Variants in TEP1 observed in about 807,000 individuals in gnomAD.
TEP1 encodes the protein telomerase protein component 1.
TEP1 carries 241 observed loss-of-function variants against 306.3 expected under a neutral mutation model. The ratio of observed to expected loss-of-function variants is 0.79; its 90% CI spans 0.71 to 0.88. The LOEUF (loss-of-function observed/expected upper bound fraction) is 0.88. TEP1 is among the 40% of genes least tolerant of loss of function. The probability of loss-of-function intolerance (pLI) is 0.00; values close to 1 mark genes in which losing one functional copy is unlikely to be tolerated. For missense variants in TEP1, 3,051 were observed against 3,276.1 expected, an observed-to-expected ratio of 0.93 and a Z score of 1.68; for synonymous variants, 1,289 against 1,305.5, an observed-to-expected ratio of 0.99 and a Z score of 0.27.
Position 20,384,123 on chromosome 14 carries a change from T to C in TEP1, c.3449A>G (p.Gln1150Arg). Reference protein sequence around the residue: ...PPSPARPRLLQDTVQRLMLPH... With the variant: ...PPSPARPRLLRDTVQRLMLPH... ...CAGCATCAGCCGTTGCACTGTGTCC[T>C]GAAGAAGGCGTGGCCGGGCAGGACT... Residue 1150 changes from glutamine (Q) to arginine (R), a missense_variant, in exon 24 of 55, where the codon CAG becomes CGG. By Grantham distance (43) the Gln-to-Arg change is conservative. Around this residue, in one of 3 missense-constraint regions of TEP1, gnomAD observed 1,507 missense variants for 1,550.5 expected, o/e 0.97. Coordinates refer to ENST00000262715, the MANE Select transcript of TEP1 (RefSeq NM_007110.5). 1.2e-6 allele frequency: 2 copies of C among 1,614,112 alleles called. No individual in the cohort carries two copies. Among genetic ancestry groups the C allele is most frequent in the Non-Finnish European group, 1.7e-6 (2 of 1,180,030 alleles).
Position 20,408,380 on chromosome 14 carries a change from C to T in TEP1, c.60G>A (p.Arg20=), listed in dbSNP as rs1879380954. The change falls in exon 2 of 55, where the codon CGG becomes CGA. Residue 20 remains arginine (R), a synonymous_variant. Coordinates refer to ENST00000262715, the MANE Select transcript of TEP1 (RefSeq NM_007110.5). ...AHPDILSLEN[R]CLAMLPDLQP... ...GTAAGTCAGGGAGCATAGCCAGGCA[C>T]CGGTTCTCCAAGGAGAGGATGTCTG... 3 of 1,614,084 alleles carry T rather than the reference C, an allele frequency of 1.9e-6. No individual in the cohort carries two copies. Among genetic ancestry groups the T allele is most frequent in the Non-Finnish European group, 2.5e-6 (3 of 1,180,026 alleles).
At chr14:20,376,544 C>T (rs548475889) in intron 41 of TEP1, among the ~76,000 whole-genome samples, 1 of 152,366 alleles carries the variant, frequency 6.6e-6, no homozygotes, top group East Asian at 1.9e-4. Context: ...TGTACTCCCA[C>T]AGCAGCTGCT....
At position 20,406,342 on chromosome 14, in the gene TEP1, C is replaced by A. The variant is rs1159420906; in HGVS notation, c.626G>T (p.Ser209Ile). The change falls in exon 3 of 55, where the codon AGT becomes ATT. Residue 209 changes from serine (S) to isoleucine (I), a missense_variant. Physicochemically the swap from Ser to Ile is moderately radical, Grantham distance 142 (BLOSUM62 -2). Around this residue, in one of 3 missense-constraint regions of TEP1, gnomAD observed 1,507 missense variants for 1,550.5 expected, o/e 0.97. Coordinates refer to ENST00000262715, the MANE Select transcript of TEP1 (RefSeq NM_007110.5). Reference sequence around the variant, plus strand: ...CTCCTCCTCCTCTCCCAAGCTCAGACTATAAGAAGGCATTTGGGTCTCTGC... The same window carrying A: ...CTCCTCCTCCTCTCCCAAGCTCAGAATATAAGAAGGCATTTGGGTCTCTGC... ...KGAETQMPSY[S>I]LSLGEEEEVE... is the part of the protein sequence containing the mutation. The A allele has an allele frequency of 6.2e-7, 1 of 1,614,006 alleles. No individual in the cohort carries two copies. The highest frequency in any genetic ancestry group is 8.5e-7 in the Non-Finnish European group (1 of 1,179,960).
chr14:20,372,380 A>ATGTGTGTGTGTGTGTGTGTGTG (rs59329010), intron 49 of TEP1, among the ~76,000 whole-genome samples: 1 of 139,550 alleles, frequency 7.2e-6, no homozygotes, highest in African/African-American at 2.7e-5. Flanking sequence ...GTGTGTGTGT[A>ATGTGTGTGTGTGTGTGTGTGTG]TGTGTGTGTG....
intron 39 of TEP1, 36 bp downstream of exon 39, chr14:20,377,988 T>C (rs765729508): frequency 6.2e-7 from 1 of 1,602,782 alleles, no homozygotes; most frequent in Non-Finnish European, 8.5e-7. Flanking sequence ...TTGCTACTCC[T>C]CCTCACAACC....
chr14:20,395,650 C>T, intron 11 of TEP1, 23 bp from the exon 12 acceptor site: 1 of 1,582,926 alleles, frequency 6.3e-7, no homozygotes, highest in Admixed American at 1.7e-5. Flanking sequence ...AGGTAAATTT[C>T]CGAGTTAGGC....
rs752004025 is a variant in TEP1 at position 20,384,238 on chromosome 14, G to C, written c.3340-6C>G. On this transcript the variant is annotated splice_polypyrimidine_tract_variant and splice_region_variant and intron_variant, in intron 23 of 54. Coordinates refer to ENST00000262715, the MANE Select transcript of TEP1 (RefSeq NM_007110.5). ...TGCTCCAGCAGGGCCCCAGGCTGAGGGTAAATGGGTCAGTGACTATCCATG... is the reference window on the plus strand; with the variant it reads ...TGCTCCAGCAGGGCCCCAGGCTGAGCGTAAATGGGTCAGTGACTATCCATG... 2.6e-5 allele frequency: 42 copies of C among 1,613,088 alleles called. No individual in the cohort carries two copies. Among genetic ancestry groups the C allele is most frequent in the Non-Finnish European group, 3.5e-5 (41 of 1,179,504 alleles).
chr14:20,392,830 A>T (rs1489450936), intron 12 of TEP1, among the ~76,000 whole-genome samples: 1 of 152,242 alleles, frequency 6.6e-6, no homozygotes, highest in Non-Finnish European at 1.5e-5. Flanking sequence ...AGAAACACAC[A>T]TGAAATAAGG....
chr14:20,379,366 G>A (rs577549878), intron 35 of TEP1, among the ~76,000 whole-genome samples: 55 of 152,364 alleles, frequency 3.6e-4, no homozygotes, highest in Admixed American at 1.8e-3. Context: ...GTTACATGGG[G>A]TAGGGGATGA....
In TEP1 at chr14:20,408,308, G is replaced by T. The variant is rs1271330829; in HGVS notation, c.132C>A (p.Ile44=). 1.9e-6 allele frequency: 3 copies of T among 1,613,650 alleles called. No homozygotes were observed. The African/African-American group carries it at 4.0e-5, about 22-fold the overall frequency. Residue 44 remains isoleucine (I), a synonymous_variant, in exon 2 of 55, where the codon ATC becomes ATA. Coordinates refer to ENST00000262715, the MANE Select transcript of TEP1 (RefSeq NM_007110.5). ...CTAGGCACTGGTTCTTCAAGGAGAG[G>T]ATATCTGAGTGGGTAGATACATGCT... ...LHQHVSTHSD[I]LSLKNQCLAT... is the part of the protein sequence containing the mutation.
At chr14:20,411,088 A>G (rs1335062638) in intron 1 of TEP1, among the ~76,000 whole-genome samples, 2 of 151,958 alleles carry the variant, frequency 1.3e-5, no homozygotes, top group Admixed American at 1.3e-4. Context: ...CCAAAGTGCT[A>G]GGATTACAGG....
intron 23 of TEP1, 50 bp from the exon 24 acceptor site, chr14:20,384,282 C>T (rs772108521): frequency 1.2e-6 from 2 of 1,608,646 alleles, no homozygotes; most frequent in Non-Finnish European, 1.7e-6. Context: ...CTCCTCAGCA[C>T]TCCCAGGCTA....
chr14:20,401,309 C>A, intron 8 of TEP1, 148 bp downstream of exon 8: 1 of 1,373,700 alleles, frequency 7.3e-7, no homozygotes. Context: ...AAAGGAAAGG[C>A]AGCAATTGGA....
In TEP1 at chr14:20,395,607, T is replaced by C. The variant is rs1355246545; in HGVS notation, c.1771A>G (p.Ile591Val). 2.5e-6 allele frequency: 4 copies of C among 1,602,546 alleles called. No homozygotes were observed. The highest frequency in any genetic ancestry group is 1.7e-5 in the Admixed American group (1 of 59,756). ...GTTAGTATCCGCCTCATCAGTGTTA[T>C]ATTCGAAGGAAAGGGCAATGCTGTA... ...RNQALPFPSN[I>V]TLMRRILTRN... is the part of the protein sequence containing the mutation. Residue 591 changes from isoleucine (I) to valine (V), a missense_variant, in exon 12 of 55, where the codon ATA (isoleucine) becomes GTA (valine). This residue lies in a region of TEP1 where 1,507 missense variants were observed against 1,550.5 expected (regional missense o/e 0.97). Transcript: ENST00000262715.
chr14:20,402,201 G>A (rs556829002), intron 7 of TEP1, among the ~76,000 whole-genome samples: 6 of 152,222 alleles, frequency 3.9e-5, no homozygotes, highest in South Asian at 4.1e-4. Context: ...CCAGCTACTC[G>A]GGAGGCTGAG....
Position 20,391,654 on chromosome 14 carries a change from AC to A in TEP1, c.2041del (p.Val681SerfsTer3), listed in dbSNP as rs1374753365. On this transcript the variant is annotated frameshift_variant, in exon 13 of 55. Transcript: ENST00000262715. LOFTEE classifies it high-confidence loss of function. ...LPLLPGRTVL[V>X]YLTDANADRL... ...GTCTGCATTAGCATCTGTCAGATAG[AC>A]CAAGACAGTGCGGCCTGGCAGCAGG... The A allele has an allele frequency of 1.9e-6, 3 of 1,614,076 alleles. No homozygotes were observed. The highest frequency in any genetic ancestry group is 2.5e-6 in the Non-Finnish European group (3 of 1,180,044).
At chr14:20,380,697 T>G (rs775197226) in intron 33 of TEP1, among the ~76,000 whole-genome samples, 6 of 152,226 alleles carry the variant, frequency 3.9e-5, no homozygotes, top group Non-Finnish European at 7.3e-5. Context: ...ACAAGTTTCC[T>G]AGATAGTTTT....
Position 20,381,194 on chromosome 14 carries a change from A to T in TEP1, c.4647+119T>A. 8.0e-7 allele frequency: 1 copy of T among 1,247,896 alleles called. No individual in the cohort carries two copies. 77.3% of individuals were successfully genotyped at this position (1,247,896 alleles called of 1,614,324 possible). On this transcript the variant is annotated intron_variant, in intron 32 of 54. Coordinates refer to ENST00000262715, the MANE Select transcript of TEP1 (RefSeq NM_007110.5). The surrounding 1 kb of genome is among the most constrained non-coding windows in gnomAD (Gnocchi z 4.0). Reference sequence around the variant, plus strand: ...CAGGAAAACTGAAAGGAAAGAGGTCAAGGGAGTTTGGGAGGGGTAATGGCG... The same window carrying T: ...CAGGAAAACTGAAAGGAAAGAGGTCTAGGGAGTTTGGGAGGGGTAATGGCG...
Position 20,382,357 on chromosome 14 carries a change from C to T in TEP1, c.4141-1G>A. ...GCAGGGTCCGGAGTCTCTCAGACAC[C>T]TAGGATGGCGGGAGGACAGCCTTGT... On this transcript the variant is annotated splice_acceptor_variant, in intron 28 of 54. Coordinates refer to ENST00000262715, the MANE Select transcript of TEP1 (RefSeq NM_007110.5). LOFTEE classifies it high-confidence loss of function. 6.2e-7 allele frequency: 1 copy of T among 1,605,510 alleles called. No homozygotes were observed. The highest frequency in any genetic ancestry group is 2.2e-5 in the East Asian group (1 of 44,844).
Sources: gnomAD v4.1 joint callset for allele counts (sites outside exome capture counted in the v4.1 genomes callset) on GRCh38, gnomAD v4.1.1 for gene constraint, gnomAD v4.1.1 regional missense constraint, Gnocchi (gnomAD v3.1) non-coding constraint, MANE v1.5 for transcripts, NCBI Gene and HGNC (gene_info 2026-07-23, HGNC 2026-07-21) for gene names.